The following TAFA5 variants were observed in gnomAD, a reference collection of about 807,000 sequenced individuals.
The protein encoded by TAFA5 is chemokine-like protein TAFA-5.
Under a neutral mutation model 15.3 loss-of-function variants are expected in TAFA5, and 6 were observed. The ratio of observed to expected loss-of-function variants is 0.39; its 90% CI spans 0.21 to 0.77. The LOEUF (loss-of-function observed/expected upper bound fraction) is 0.77. TAFA5 is among the 30% of genes least tolerant of loss of function. The pLI, the probability that TAFA5 is intolerant of heterozygous loss-of-function variation, is 0.41. For missense variants in TAFA5, 161 were observed against 193.1 expected (o/e 0.83, Z 0.98); for synonymous variants, 103 against 80.7 (o/e 1.28, Z -1.48).
intron 1 of TAFA5, among the ~76,000 whole-genome samples, chr22:48,596,373 C>A (rs1048276034): frequency 1.3e-5 from 2 of 152,190 alleles, no homozygotes; most frequent in Non-Finnish European, 2.9e-5. Flanking sequence ...ACACCAGCCC[C>A]CTCCCGGTGT....
chr22:48,601,062 G>C (rs1306456910), intron 1 of TAFA5, among the ~76,000 whole-genome samples: 2 of 152,238 alleles, frequency 1.3e-5, no homozygotes, highest in Non-Finnish European at 2.9e-5. Flanking sequence ...GATATTTACA[G>C]AGAGACTCAC....
intron 3 of TAFA5, among the ~76,000 whole-genome samples, chr22:48,746,032 A>G (rs545733052): frequency 6.6e-6 from 1 of 152,286 alleles, no homozygotes; most frequent in South Asian, 2.1e-4. Context: ...TCCAGGAGAC[A>G]GCGATGGGCT....
At chr22:48,532,581 A>G (rs977527796) in intron 1 of TAFA5, among the ~76,000 whole-genome samples, 3 of 152,212 alleles carry the variant, frequency 2.0e-5, no homozygotes, top group African/African-American at 7.2e-5. Flanking sequence ...GGGAGACCTC[A>G]GGCTGCAGAC....
At chr22:48,554,934 C>T (rs133464) in intron 1 of TAFA5, among the ~76,000 whole-genome samples, 75,414 of 152,092 alleles carry the variant, frequency 0.5, 22,138 homozygotes, top group South Asian at 0.68. Context: ...CGAGCCTCTT[C>T]AAGCTGTGTC....
intron 2 of TAFA5, among the ~76,000 whole-genome samples, chr22:48,684,819 C>T (rs1035658361): frequency 1.3e-5 from 2 of 152,184 alleles, no homozygotes; most frequent in East Asian, 1.9e-4. Flanking sequence ...CCTGCTCACA[C>T]GCTGTGCCCG....
chr22:48,517,833 G>A (rs868634871), intron 1 of TAFA5, among the ~76,000 whole-genome samples: 3 of 152,174 alleles, frequency 2.0e-5, no homozygotes, highest in South Asian at 2.1e-4. Flanking sequence ...CTCCTCCCCC[G>A]CCCTCTCTGG....
intron 1 of TAFA5, among the ~76,000 whole-genome samples, chr22:48,577,357 C>T (rs1923851170): frequency 6.6e-6 from 1 of 152,204 alleles, no homozygotes; most frequent in African/African-American, 2.4e-5. Context: ...GTTTCAGGGC[C>T]AGGCTCCCTT....
At chr22:48,725,740 AG>A (rs1929696463) in intron 3 of TAFA5, among the ~76,000 whole-genome samples, 2 of 150,462 alleles carry the variant, frequency 1.3e-5, no homozygotes, top group African/African-American at 4.9e-5. Flanking sequence ...AAAAAAAAAA[AG>A]CAAGGAAATG....
At chr22:48,643,810 A>AC (rs1926768472) in intron 1 of TAFA5, among the ~76,000 whole-genome samples, 1 of 152,174 alleles carries the variant, frequency 6.6e-6, no homozygotes, top group Non-Finnish European at 1.5e-5. Flanking sequence ...TGGCCTGGAC[A>AC]CCATGAGTCT....
At chr22:48,678,906 G>A (rs13056115) in intron 2 of TAFA5, among the ~76,000 whole-genome samples, 23,768 of 144,634 alleles carry the variant, frequency 0.16, 1,955 homozygotes, top group Admixed American at 0.28. Flanking sequence ...TCCCTCTCCC[G>A]GCTCCCCGGC....
At chr22:48,747,949 C>T (rs1246167151) in intron 3 of TAFA5, among the ~76,000 whole-genome samples, 2 of 151,620 alleles carry the variant, frequency 1.3e-5, no homozygotes, top group East Asian at 3.9e-4. Context: ...GCAGGCTCCT[C>T]CTGACCTTAA....
At position 48,555,447 on chromosome 22, in the gene TAFA5, C is replaced by T. The variant is rs1923002533; in HGVS notation, c.112+65743C>T. Among the ~76,000 whole-genome samples the T allele has an allele frequency of 6.6e-5, 10 of 152,334 alleles. 1 individual carries two copies. In the South Asian group the frequency reaches 2.1e-3, roughly 32 times the overall value. On this transcript the variant is annotated intron_variant, in intron 1 of 3. Coordinates refer to ENST00000402357, the MANE Select transcript of TAFA5 (RefSeq NM_001082967.3). ...TGCTCCCTGATGGAGGACGTGGGCT[C>T]CCAGCTCATTCCTGTGGCTTTTCCT...
intron 1 of TAFA5, among the ~76,000 whole-genome samples, chr22:48,583,387 A>C (rs1924170890): frequency 6.6e-6 from 1 of 150,552 alleles, no homozygotes. Flanking sequence ...CACATACAAA[A>C]TACACCACAC....
intron 1 of TAFA5, among the ~76,000 whole-genome samples, chr22:48,576,940 G>A (rs972522240): frequency 6.6e-6 from 1 of 152,080 alleles, no homozygotes; most frequent in Non-Finnish European, 1.5e-5. Context: ...TCGGTAGATG[G>A]CACCAGCGCT....
At chr22:48,558,718 G>A (rs898143125) in intron 1 of TAFA5, among the ~76,000 whole-genome samples, 6 of 152,204 alleles carry the variant, frequency 3.9e-5, no homozygotes, top group African/African-American at 1.2e-4. Context: ...GACCAGCGAG[G>A]TCCAGTCAGG....
At position 48,557,095 on chromosome 22, in the gene TAFA5, G is replaced by A. The variant is rs562114854; in HGVS notation, c.112+67391G>A. ...GCGCCCAGGTCTGGGGTTCAGGGCC[G>A]GCAGCAGTAACGGCATCAGAACTGT... On this transcript the variant is annotated intron_variant, in intron 1 of 3. Coordinates refer to ENST00000402357, the MANE Select transcript of TAFA5 (RefSeq NM_001082967.3). 1.1e-4 allele frequency among the ~76,000 whole-genome samples: 17 copies of A among 152,316 alleles called. No homozygotes were observed. The South Asian group carries it at 2.9e-3, about 26-fold the overall frequency.
intron 1 of TAFA5, among the ~76,000 whole-genome samples, chr22:48,621,770 CCT>C (rs1384459509): frequency 6.6e-6 from 1 of 152,096 alleles, no homozygotes; most frequent in African/African-American, 2.4e-5. Context: ...ATGTGACTGG[CCT>C]CTCGAGGTGG....
chr22:48,700,359 G>T (rs1601682694), intron 2 of TAFA5, among the ~76,000 whole-genome samples: 2 of 152,136 alleles, frequency 1.3e-5, no homozygotes, highest in Non-Finnish European at 1.5e-5. Context: ...CACACACTAG[G>T]CCGTGAGAGC....
chr22:48,646,604 G>C lies in TAFA5; in HGVS notation c.120G>C (p.Leu40=). The C allele has an allele frequency of 1.9e-6, 3 of 1,612,474 alleles. No homozygotes were observed. The highest frequency in any genetic ancestry group is 2.2e-5 in the South Asian group (2 of 91,060). Residue 40 remains leucine (L), a synonymous_variant, in exon 2 of 4, where the codon CTG becomes CTC. Transcript: ENST00000402357. ...TTCTGCTCCTCTCTGCAGGTCAGCT[G>C]GCCGCCGGCACCTGTGAGATTGTGA... ...ASLLIAYCSQ[L]AAGTCEIVTL...
Sources: gnomAD v4.1 joint callset for allele counts (sites outside exome capture counted in the v4.1 genomes callset) on GRCh38, gnomAD v4.1.1 for gene constraint, MANE v1.5 for transcripts, NCBI Gene and HGNC (gene_info 2026-07-23, HGNC 2026-07-21) for gene names.